KLF16: variants seen among roughly 807,000 people sequenced by gnomAD.
KLF16 encodes the protein KLF transcription factor 16.
Under a neutral mutation model 6.1 loss-of-function variants are expected in KLF16, and 6 were observed. The observed-to-expected ratio is 0.98, with a 90% CI of 0.54 to 1.93. KLF16 has a LOEUF of 1.93. Among genes scored for constraint, KLF16 ranks in the 30% most tolerant of loss-of-function variants. The pLI is 0.01. For synonymous variants in KLF16, 211 were observed against 176.5 expected (o/e 1.20, Z -1.55); for missense variants, 355 against 363.8 (o/e 0.98, Z 0.20).
upstream of KLF16, among the ~76,000 whole-genome samples, chr19:1,867,501 C>T (rs1222550979): frequency 1.3e-5 from 2 of 151,468 alleles, no homozygotes; most frequent in African/African-American, 2.4e-5. Flanking sequence ...CTTGCGGCCC[C>T]GAGGTCAAGG....
At chr19:1,870,692 AAAAG>A in the KLF16 span, among the ~76,000 whole-genome samples, 5 of 151,884 alleles carry the variant, frequency 3.3e-5, no homozygotes. Flanking sequence ...AAGAAAGAAA[AAAAG>A]AAAGATTCCT....
chr19:1,854,573 G>T lies in KLF16; in HGVS notation c.645C>A (p.Asp215Glu). The change falls in exon 2 of 2, where the codon GAC (aspartate) becomes GAA (glutamate). Residue 215 changes from aspartate to glutamate, a missense_variant. By Grantham distance (45) the Asp-to-Glu change is conservative. Transcript: ENST00000250916. ...TGCGGGCACCAGGGCGCCGGAGCAG[G>T]TCCGGGTGGAAGCCGGGGTGGCGGC... ...HARRHPGFHP[D>E]LLRRPGARST... 2 of 1,586,982 alleles carry T rather than the reference G, an allele frequency of 1.3e-6. No individual in the cohort carries two copies. The highest frequency in any genetic ancestry group is 1.1e-5 in the South Asian group (1 of 89,800).
upstream of KLF16, among the ~76,000 whole-genome samples, chr19:1,864,947 T>TGCTTTGG (rs2012161574): frequency 6.6e-6 from 1 of 152,190 alleles, no homozygotes; most frequent in Middle Eastern, 3.2e-3. Flanking sequence ...TGCGGCGACC[T>TGCTTTGG]CCTGCTCTGG....
At chr19:1,872,480 C>G in the KLF16 span, among the ~76,000 whole-genome samples, 1 of 152,186 alleles carries the variant, frequency 6.6e-6, no homozygotes, top group African/African-American at 2.4e-5. Context: ...GCTTCATTCA[C>G]ATAAAGCACC....
chr19:1,860,652 C>T (rs2012046150), intron 1 of KLF16, among the ~76,000 whole-genome samples: 1 of 152,186 alleles, frequency 6.6e-6, no homozygotes, highest in Non-Finnish European at 1.5e-5. Flanking sequence ...CAGGGACAGC[C>T]CTGCAATGGG....
the KLF16 span, among the ~76,000 whole-genome samples, chr19:1,872,737 G>A: frequency 5.3e-5 from 8 of 152,004 alleles, no homozygotes; most frequent in Non-Finnish European, 7.4e-5. Flanking sequence ...GAGGGAGCGC[G>A]GGCCTGGCCG....
intron 1 of KLF16, chr19:1,861,845 C>T (rs1599195555): frequency 6.6e-6 from 1 of 152,396 alleles, no homozygotes; most frequent in Non-Finnish European, 1.5e-5. Flanking sequence ...CCCTGCTCAT[C>T]TCAGCCCCAC....
At position 1,854,516 on chromosome 19, in the gene KLF16, G is replaced by C; in HGVS notation, c.702C>G (p.Ser234Arg). Residue 234 changes from serine to arginine, a missense_variant, in exon 2 of 2, where the codon AGC becomes AGG. By Grantham distance (110) the Ser-to-Arg change is moderately radical (BLOSUM62 -1). Transcript: ENST00000250916. ...STSPSDSLPC[S>R]LAGSPAPSPA... ...GGCTGGGCGCAGGGCTCCCGGCCAGGCTGCAGGGCAGCGAGTCGCTGGGGG... is the reference window on the plus strand; with the variant it reads ...GGCTGGGCGCAGGGCTCCCGGCCAGCCTGCAGGGCAGCGAGTCGCTGGGGG... The C allele has an allele frequency of 6.7e-7, 1 of 1,495,504 alleles. No individual in the cohort carries two copies. The highest frequency in any genetic ancestry group is 8.8e-7 in the Non-Finnish European group (1 of 1,132,140). 92.6% of individuals were successfully genotyped at this position (1,495,504 alleles called of 1,614,324 possible). A position where few individuals can be genotyped will look rare whatever the true frequency, so the allele number is the denominator to read the frequency against.
At chr19:1,858,399 G>A (rs2011996989) in intron 1 of KLF16, among the ~76,000 whole-genome samples, 1 of 152,128 alleles carries the variant, frequency 6.6e-6, no homozygotes, top group Non-Finnish European at 1.5e-5. Context: ...AAGCACCCTT[G>A]GTCAGCTTCT....
Position 1,863,075 on chromosome 19 carries a change from G to C in KLF16, c.423C>G (p.Ser141=), listed in dbSNP as rs747019895. The change falls in exon 1 of 2, where the codon TCC becomes TCG. Residue 141 remains serine, a synonymous_variant. Coordinates refer to ENST00000250916, the MANE Select transcript of KLF16 (RefSeq NM_031918.4). ...TCCGCAGGTGCGACTTTAGGTGCGAGGACTTGTAGTAGGCTTTGGCGCAGT... is the reference window on the plus strand; with the variant it reads ...TCCGCAGGTGCGACTTTAGGTGCGACGACTTGTAGTAGGCTTTGGCGCAGT... ...FPDCAKAYYK[S]SHLKSHLRTH... is the part of the protein sequence containing the mutation. 1.4e-6 allele frequency: 2 copies of C among 1,416,856 alleles called. No homozygotes were observed. 87.8% of individuals were successfully genotyped at this position (1,416,856 alleles called of 1,614,324 possible). A position where few individuals can be genotyped will look rare whatever the true frequency, so the allele number is the denominator to read the frequency against.
In KLF16 at chr19:1,853,911, T is replaced by C. The variant is rs1372515543; in HGVS notation, c.*548A>G. The C allele has an allele frequency of 6.6e-6, 1 of 152,012 alleles. No individual in the cohort carries two copies. The highest frequency in any genetic ancestry group is 2.4e-5 in the African/African-American group (1 of 41,084). The allele number at this position is 152,012 out of a possible 1,614,324, so 9.4% of individuals were successfully genotyped here. On this transcript the variant is annotated 3_prime_UTR_variant, in exon 2 of 2. Coordinates refer to ENST00000250916, the MANE Select transcript of KLF16 (RefSeq NM_031918.4). Reference sequence around the variant, plus strand: ...GGGCAGAACTTGTGGACACCTGAGATTGAGTACCCGAATGGGGGGTGGCTG... The same window carrying C: ...GGGCAGAACTTGTGGACACCTGAGACTGAGTACCCGAATGGGGGGTGGCTG...
chr19:1,873,235 C>T, the KLF16 span, among the ~76,000 whole-genome samples: 3 of 152,204 alleles, frequency 2.0e-5, no homozygotes, highest in African/African-American at 7.2e-5. Context: ...CTTGGTCAGC[C>T]GCCCACACAC....
At chr19:1,863,773 C>T (rs1430277509), upstream of KLF16, among the ~76,000 whole-genome samples, 4 of 141,920 alleles carry the variant, frequency 2.8e-5, no homozygotes, top group South Asian at 2.2e-4. Flanking sequence ...CTCCACCACT[C>T]TCCGAGCCGC....
At position 1,857,953 on chromosome 19, in the gene KLF16, C is replaced by G. The variant is rs547242008; in HGVS notation, c.458-3193G>C. On this transcript the variant is annotated intron_variant, in intron 1 of 1. Coordinates refer to ENST00000250916, the MANE Select transcript of KLF16 (RefSeq NM_031918.4). This position sits in a 1 kb window ranked among gnomAD's most constrained non-coding sequence, Gnocchi z 4.7. ...AACACTGGTGGTGAGGCCCTGCCAGCCTGGGGGTGGGGTCTCGAATACTAC... is the reference window on the plus strand; with the variant it reads ...AACACTGGTGGTGAGGCCCTGCCAGGCTGGGGGTGGGGTCTCGAATACTAC... Among the ~76,000 whole-genome samples the G allele has an allele frequency of 6.6e-6, 1 of 152,150 alleles. No homozygotes were observed. Among genetic ancestry groups the G allele is most frequent in the South Asian group, 2.1e-4 (1 of 4,822 alleles).
At chr19:1,873,445 G>C in the KLF16 span, among the ~76,000 whole-genome samples, 1 of 151,990 alleles carries the variant, frequency 6.6e-6, no homozygotes, top group Admixed American at 6.5e-5. Flanking sequence ...CCTCCCCCCG[G>C]GCTCCGGGTA....
chr19:1,866,409 G>A (rs1485803981), upstream of KLF16, among the ~76,000 whole-genome samples: 6 of 151,828 alleles, frequency 4.0e-5, no homozygotes, highest in Non-Finnish European at 8.8e-5. Flanking sequence ...TCGAGAGTTC[G>A]AGACCAGCCT....
At chr19:1,865,814 A>G (rs2012179758), upstream of KLF16, among the ~76,000 whole-genome samples, 1 of 151,916 alleles carries the variant, frequency 6.6e-6, no homozygotes, top group Non-Finnish European at 1.5e-5. Flanking sequence ...ACACAGACAA[A>G]CCTCCAGCAG....
chr19:1,853,666 G>A lies in KLF16; in HGVS notation c.*793C>T, dbSNP rs1159575100. ...CTCTCTCACCCACCCACCCAGAGAG[G>A]GCGAGCTAGGGCCCCCACACCCGAG... On this transcript the variant is annotated 3_prime_UTR_variant, in exon 2 of 2. Coordinates refer to ENST00000250916, the MANE Select transcript of KLF16 (RefSeq NM_031918.4). The A allele has an allele frequency of 6.5e-6, 1 of 152,722 alleles. No homozygotes were observed. The highest frequency in any genetic ancestry group is 1.5e-5 in the Non-Finnish European group (1 of 68,116). 9.5% of individuals were successfully genotyped at this position (152,722 alleles called of 1,614,324 possible). A position where few individuals can be genotyped will look rare whatever the true frequency, so the allele number is the denominator to read the frequency against.
chr19:1,855,656 C>T (rs748426252), intron 1 of KLF16, among the ~76,000 whole-genome samples: 24 of 152,236 alleles, frequency 1.6e-4, no homozygotes, highest in Non-Finnish European at 2.8e-4. Context: ...CTGTGCCACC[C>T]GACCCCTTCC....
Sources: gnomAD v4.1 joint callset for allele counts (sites outside exome capture counted in the v4.1 genomes callset) on GRCh38, gnomAD v4.1.1 for gene constraint, Gnocchi (gnomAD v3.1) non-coding constraint, MANE v1.5 for transcripts, NCBI Gene and HGNC (gene_info 2026-07-23, HGNC 2026-07-21) for gene names.